Variants in PIK3C2B observed in about 807,000 individuals in gnomAD.
PIK3C2B encodes phosphatidylinositol-4-phosphate 3-kinase catalytic subunit type 2 beta, also known as phosphatidylinositol 4-phosphate 3-kinase C2 domain-containing subunit beta.
Under a neutral mutation model 184.3 loss-of-function variants are expected in PIK3C2B, and 83 were observed. The observed-to-expected ratio is 0.45, with a 90% CI of 0.38 to 0.54. The LOEUF is 0.54. PIK3C2B is among the 20% of genes least tolerant of loss of function. The probability of loss-of-function intolerance (pLI) is 0.00; values close to 1 mark genes in which losing one functional copy is unlikely to be tolerated. For missense variants in PIK3C2B, 1,736 were observed against 2,113.5 expected (o/e 0.82, Z 3.50); for synonymous variants, 779 against 837.6 (o/e 0.93, Z 1.21).
At chr1:204,442,740 C>T (rs945678217) in intron 19 of PIK3C2B, 107 bp from the exon 20 acceptor site, 29 of 714,532 alleles carry the variant, frequency 4.1e-5, no homozygotes, top group Non-Finnish European at 7.0e-5. Flanking sequence ...TGAAAACCAC[C>T]CCCTGAGAAG....
At chr1:204,475,583 G>A (rs1656647132) in intron 1 of PIK3C2B, among the ~76,000 whole-genome samples, 1 of 152,150 alleles carries the variant, frequency 6.6e-6, no homozygotes, top group African/African-American at 2.4e-5. Flanking sequence ...GAACTAACCA[G>A]GTTGGATTGG....
chr1:204,425,591 C>T (rs1309378312), intron 32 of PIK3C2B, 22 bp downstream of exon 32: 2 of 1,613,564 alleles, frequency 1.2e-6, no homozygotes, highest in Non-Finnish European at 1.7e-6. Context: ...CCCTGCCCTA[C>T]CCCACCATTT....
chr1:204,450,075 G>C (rs1322717284), intron 12 of PIK3C2B, 58 bp from the exon 13 acceptor site: 3 of 1,443,584 alleles, frequency 2.1e-6, no homozygotes, highest in Non-Finnish European at 2.8e-6. Context: ...CAAGCAACAG[G>C]TGGCCCAGGA....
chr1:204,476,857 G>A (rs913611341), intron 1 of PIK3C2B, among the ~76,000 whole-genome samples: 2 of 152,320 alleles, frequency 1.3e-5, no homozygotes, highest in South Asian at 2.1e-4. Context: ...TTCAGGCTGC[G>A]TTCTCTCCTA....
rs779359977 is a variant in PIK3C2B, at chr1:204,442,508, AACCT to A, written c.3156+14_3156+17del. ...GAGCCCTCCCACTCTGAGAGCCCCA[AACCT>A]ACCAGTCACTCACCCTGGGCACAAT... On this transcript the variant is annotated intron_variant, in intron 20 of 32. Transcript: ENST00000684373. 6.3e-4 allele frequency: 960 copies of A among 1,520,824 alleles called. No homozygotes were observed. Among genetic ancestry groups the A allele is most frequent in the Non-Finnish European group, 8.2e-4 (917 of 1,118,954 alleles). The allele number at this position is 1,520,824 out of a possible 1,614,324, so 94.2% of individuals were successfully genotyped here. A position where few individuals can be genotyped will look rare whatever the true frequency, so the allele number is the denominator to read the frequency against.
Position 204,462,346 on chromosome 1 carries a change from C to T in PIK3C2B, c.1310+1666G>A, listed in dbSNP as rs555078336. 6.8e-5 allele frequency among the ~76,000 whole-genome samples: 10 copies of T among 146,246 alleles called. No individual in the cohort carries two copies. The East Asian group carries it at 2.5e-3, about 36-fold the overall frequency. ...CCCTAGGACTTCTCTCCGTGGGCTGCTCCTTCCCTGCTGGTATTTACTGAT... is the reference window on the plus strand; with the variant it reads ...CCCTAGGACTTCTCTCCGTGGGCTGTTCCTTCCCTGCTGGTATTTACTGAT... On this transcript the variant is annotated intron_variant, in intron 5 of 32. Transcript: ENST00000684373.
intron 18 of PIK3C2B, 89 bp from the exon 19 acceptor site, chr1:204,443,686 T>C: frequency 1.6e-6 from 2 of 1,262,174 alleles, no homozygotes; most frequent in Non-Finnish European, 2.3e-6. Flanking sequence ...CAGCTCCAAC[T>C]CACTGCAAAA....
chr1:204,451,683 C>A (rs1654372291), intron 12 of PIK3C2B, among the ~76,000 whole-genome samples: 1 of 152,216 alleles, frequency 6.6e-6, no homozygotes, highest in Non-Finnish European at 1.5e-5. Flanking sequence ...CATAGCTTCA[C>A]TTGCATGATG....
In PIK3C2B at chr1:204,484,087, G is replaced by A. The variant is rs75080488; in HGVS notation, c.-85+10269C>T. 4.4e-3 allele frequency among the ~76,000 whole-genome samples: 668 copies of A among 152,296 alleles called. 9 individuals carry two copies. The highest frequency in any genetic ancestry group is 0.016 in the African/African-American group (655 of 41,556). On this transcript the variant is annotated intron_variant, in intron 1 of 32. Transcript: ENST00000684373. ...GAGTGAGGGTGTTACACTTTGTGCTGGTGAAAGGGAAAGAGAAGGAAGGCA... is the reference window on the plus strand; with the variant it reads ...GAGTGAGGGTGTTACACTTTGTGCTAGTGAAAGGGAAAGAGAAGGAAGGCA...
intron 1 of PIK3C2B, among the ~76,000 whole-genome samples, chr1:204,482,122 G>C (rs964393532): frequency 8.5e-5 from 2 of 23,660 alleles, no homozygotes; most frequent in Non-Finnish European, 1.7e-4. Flanking sequence ...GGGGGGGGGG[G>C]GGGGTGCTCT....
intron 11 of PIK3C2B, among the ~76,000 whole-genome samples, chr1:204,455,131 C>A (rs1048105518): frequency 1.3e-5 from 2 of 152,200 alleles, no homozygotes; most frequent in Non-Finnish European, 2.9e-5. Context: ...CACGTGCATG[C>A]GCAAGTGAGA....
At chr1:204,478,319 T>A (rs1366800613) in intron 1 of PIK3C2B, among the ~76,000 whole-genome samples, 1 of 152,102 alleles carries the variant, frequency 6.6e-6, no homozygotes, top group Non-Finnish European at 1.5e-5. Context: ...TCCACACACA[T>A]GCCGCTGGCT....
At chr1:204,488,099 G>C (rs1039198016) in intron 1 of PIK3C2B, among the ~76,000 whole-genome samples, 8 of 152,178 alleles carry the variant, frequency 5.3e-5, no homozygotes, top group African/African-American at 1.9e-4. Context: ...GGAAAGTGAT[G>C]CACAGATAAG....
chr1:204,457,698 T>C (rs1654987248), intron 9 of PIK3C2B, 30 bp downstream of exon 9: 1 of 1,573,278 alleles, frequency 6.4e-7, no homozygotes, highest in African/African-American at 1.4e-5. Context: ...CTCTCTTCCT[T>C]TCCCCTGCTA....
chr1:204,467,041 C>A, intron 2 of PIK3C2B: 1 of 452,106 alleles, frequency 2.2e-6, no homozygotes, highest in East Asian at 5.7e-5. Flanking sequence ...GCCGCATTTC[C>A]CCACTCAGAA....
At chr1:204,453,483 C>T (rs137976109) in intron 12 of PIK3C2B, among the ~76,000 whole-genome samples, 2 of 152,300 alleles carry the variant, frequency 1.3e-5, no homozygotes, top group East Asian at 3.9e-4. Context: ...CTGAGTGAAA[C>T]CAATGTCCCC....
chr1:204,436,723 A>G (rs1020549873), intron 23 of PIK3C2B, among the ~76,000 whole-genome samples: 18 of 152,208 alleles, frequency 1.2e-4, no homozygotes, highest in African/African-American at 4.3e-4. Context: ...TATTATTTCC[A>G]TACATTTACA....
rs758366181 is a variant in PIK3C2B at position 204,455,945 on chromosome 1, A to G, written c.1854T>C (p.His618=). 6.2e-7 allele frequency: 1 copy of G among 1,614,220 alleles called. No individual in the cohort carries two copies. The highest frequency in any genetic ancestry group is 8.5e-7 in the Non-Finnish European group (1 of 1,180,018). ...FQTAVPGSRK[H]DLVQEACHFA... is the part of the protein sequence containing the mutation. ...AATGGCAGGCCTCCTGGACCAGGTC[A>G]TGCTTGCGGCTCCCGGGCACTGCCG... The change falls in exon 11 of 33, where the codon CAT becomes CAC. Residue 618 remains histidine, a synonymous_variant. Coordinates refer to ENST00000684373, the MANE Select transcript of PIK3C2B (RefSeq NM_001377334.1).
chr1:204,424,428 G>A lies in PIK3C2B; in HGVS notation c.*424C>T, dbSNP rs1674638239. Reference sequence around the variant, plus strand: ...TCCTCTCTTGCCTTCTGGGGCATAGGTACGTCCCTTCTCGCAAGGCTTCCT... The same window carrying A: ...TCCTCTCTTGCCTTCTGGGGCATAGATACGTCCCTTCTCGCAAGGCTTCCT... On this transcript the variant is annotated 3_prime_UTR_variant, in exon 33 of 33. Coordinates refer to ENST00000684373, the MANE Select transcript of PIK3C2B (RefSeq NM_001377334.1). The A allele has an allele frequency of 1.2e-5, 4 of 336,028 alleles. No individual in the cohort carries two copies. The highest frequency in any genetic ancestry group is 6.5e-5 in the African/African-American group (3 of 46,440). 20.8% of individuals were successfully genotyped at this position (336,028 alleles called of 1,614,324 possible).
Sources: gnomAD v4.1 joint callset for allele counts (sites outside exome capture counted in the v4.1 genomes callset) on GRCh38, gnomAD v4.1.1 for gene constraint, MANE v1.5 for transcripts, NCBI Gene and HGNC (gene_info 2026-07-23, HGNC 2026-07-21) for gene names.